SMARCAD1: variants seen among roughly 807,000 people sequenced by gnomAD.
The protein encoded by SMARCAD1 is SNF2 related chromatin remodeling ATPase with DExD box 1.
Under a neutral mutation model 127.1 loss-of-function variants are expected in SMARCAD1, and 25 were observed. That is an observed-to-expected ratio of 0.20 (90% CI 0.14 to 0.27). The LOEUF is 0.27. Ranked by LOEUF, SMARCAD1 falls within the 10% of genes least tolerant of loss-of-function variation. The probability of loss-of-function intolerance (pLI) is 1.00; values close to 1 mark genes in which losing one functional copy is unlikely to be tolerated. For missense variants in SMARCAD1, 807 were observed against 1,206.0 expected (o/e 0.67, Z 4.90); for synonymous variants, 400 against 396.9 (o/e 1.01, Z -0.09).
chr4:94,269,630 A>C (rs1752249683), intron 10 of SMARCAD1, among the ~76,000 whole-genome samples: 1 of 152,000 alleles, frequency 6.6e-6, no homozygotes. Context: ...ATAACTGTTA[A>C]TAGTTTTTAA....
intron 2 of SMARCAD1, among the ~76,000 whole-genome samples, chr4:94,215,979 A>G (rs944188554): frequency 9.2e-5 from 14 of 152,176 alleles, no homozygotes; most frequent in African/African-American, 3.4e-4. Context: ...GAACTGCTGT[A>G]ACTACCATGA....
intron 22 of SMARCAD1, among the ~76,000 whole-genome samples, chr4:94,284,086 C>T (rs997935389): frequency 6.6e-6 from 1 of 151,362 alleles, no homozygotes; most frequent in African/African-American, 2.4e-5. Flanking sequence ...CTTTGGGAGG[C>T]GAAGGCGGGT....
chr4:94,279,160 GAAAAACTTTT>G, intron 19 of SMARCAD1, 110 bp downstream of exon 19: 2 of 1,449,416 alleles, frequency 1.4e-6, no homozygotes, highest in South Asian at 2.5e-5. Context: ...ACATATTTAA[GAAAAACTTTT>G]TTTTTTCAGA....
At chr4:94,277,197 T>TTA in intron 16 of SMARCAD1, 38 bp downstream of exon 16, 1 of 1,610,728 alleles carries the variant, frequency 6.2e-7, no homozygotes, top group East Asian at 2.2e-5. Flanking sequence ...AATATGTTAT[T>TTA]TGTGTTTTAT....
chr4:94,277,563 A>C (rs905023305), intron 16 of SMARCAD1, among the ~76,000 whole-genome samples: 2 of 152,238 alleles, frequency 1.3e-5, no homozygotes, highest in Non-Finnish European at 2.9e-5. Flanking sequence ...CTATGCTGAG[A>C]AATATATTCT....
chr4:94,255,472 T>C (rs961323537), intron 9 of SMARCAD1, among the ~76,000 whole-genome samples: 6 of 152,010 alleles, frequency 3.9e-5, no homozygotes, highest in Non-Finnish European at 7.4e-5. Context: ...GAAAATTATA[T>C]TGTGCCTTTT....
intron 2 of SMARCAD1, among the ~76,000 whole-genome samples, chr4:94,215,378 T>A (rs923419414): frequency 6.6e-6 from 1 of 152,114 alleles, no homozygotes; most frequent in Non-Finnish European, 1.5e-5. Context: ...CGCAGCACTT[T>A]GGGAGGCCGA....
At chr4:94,239,850 G>A (rs1382581631) in intron 5 of SMARCAD1, among the ~76,000 whole-genome samples, 1 of 152,138 alleles carries the variant, frequency 6.6e-6, no homozygotes, top group Middle Eastern at 3.2e-3. Flanking sequence ...TGGGATTACA[G>A]GCATGAGCTG....
chr4:94,232,007 A>G (rs1034439765), intron 3 of SMARCAD1, among the ~76,000 whole-genome samples: 1 of 151,866 alleles, frequency 6.6e-6, no homozygotes, highest in South Asian at 2.1e-4. Context: ...GATTACAGGC[A>G]CCCGCCACCA....
At chr4:94,219,771 C>T (rs1345418604) in intron 2 of SMARCAD1, among the ~76,000 whole-genome samples, 2 of 152,086 alleles carry the variant, frequency 1.3e-5, no homozygotes, top group Non-Finnish European at 2.9e-5. Flanking sequence ...TTTGTGTATT[C>T]TCTCATTGCA....
intron 5 of SMARCAD1, among the ~76,000 whole-genome samples, chr4:94,239,148 C>A (rs1038506924): frequency 6.6e-6 from 1 of 152,144 alleles, no homozygotes; most frequent in Admixed American, 6.6e-5. Flanking sequence ...CAGACATCTT[C>A]ATTTTTAGTG....
At chr4:94,250,650 C>T in intron 7 of SMARCAD1, 102 bp from the exon 8 acceptor site, 1 of 698,120 alleles carries the variant, frequency 1.4e-6, no homozygotes, top group Non-Finnish European at 2.4e-6. Context: ...GATGTGAATT[C>T]TCTGTTTTCA....
At position 94,277,134 on chromosome 4, in the gene SMARCAD1, T is replaced by C. The variant is rs1421308896; in HGVS notation, c.2057T>C (p.Ile686Thr). Residue 686 changes from isoleucine (I) to threonine (T), a missense_variant, in exon 16 of 24, where the codon ATA (isoleucine) becomes ACA (threonine). This residue lies in a region of SMARCAD1 where 148 missense variants were observed against 313.2 expected (regional missense o/e 0.47). Transcript: ENST00000354268. ...ATGTTTAGTAGTAGCACCAGTGAAATACGAAGAATGTTTTCCTCTAAGACA... is the reference window on the plus strand; with the variant it reads ...ATGTTTAGTAGTAGCACCAGTGAAACACGAAGAATGTTTTCCTCTAAGACA... Reference protein sequence around the residue: ...PHMFSSSTSEIRRMFSSKTKS... With the variant: ...PHMFSSSTSETRRMFSSKTKS... 2 of 1,613,962 alleles carry C rather than the reference T, an allele frequency of 1.2e-6. No individual in the cohort carries two copies. The highest frequency in any genetic ancestry group is 1.7e-6 in the Non-Finnish European group (2 of 1,179,960).
chr4:94,273,540 G>A (rs1752844693), intron 11 of SMARCAD1, 77 bp from the exon 12 acceptor site: 3 of 1,083,774 alleles, frequency 2.8e-6, no homozygotes, highest in Non-Finnish European at 2.8e-6. Context: ...CAGAATTACT[G>A]CTTTTTCTTC....
intron 9 of SMARCAD1, among the ~76,000 whole-genome samples, chr4:94,258,233 C>T (rs910486377): frequency 6.6e-6 from 1 of 151,842 alleles, no homozygotes; most frequent in Non-Finnish European, 1.5e-5. Flanking sequence ...CAGCTCACTG[C>T]AATCTCTGCC....
chr4:94,248,376 T>G, intron 6 of SMARCAD1: 1 of 419,324 alleles, frequency 2.4e-6, no homozygotes, highest in East Asian at 7.2e-5. Context: ...TTTTCACTTA[T>G]GTAGTGAAAA....
At chr4:94,208,178 C>T (rs745648310) in intron 1 of SMARCAD1, 108 bp downstream of exon 1, 1 of 693,524 alleles carries the variant, frequency 1.4e-6, no homozygotes, top group East Asian at 2.7e-5. Flanking sequence ...AAAAGATACC[C>T]CCGTCCACCT....
At position 94,284,347 on chromosome 4, in the gene SMARCAD1, A is replaced by G. The variant is rs1355159742; in HGVS notation, c.2910-613A>G. ...GTCTCAAAAAAAAAAAAAAAAAAAA[A>G]AAAAAAGAAAAAAGTAATTTCCATC... On this transcript the variant is annotated intron_variant, in intron 22 of 23. Coordinates refer to ENST00000354268, the MANE Select transcript of SMARCAD1 (RefSeq NM_020159.5). 7.6e-4 allele frequency among the ~76,000 whole-genome samples: 76 copies of G among 99,890 alleles called. 2 individuals are homozygous for G. The highest frequency in any genetic ancestry group is 1.6e-3 in the African/African-American group (52 of 32,762). 65.5% of individuals were successfully genotyped at this position (99,890 alleles called of 152,430 possible).
intron 16 of SMARCAD1, among the ~76,000 whole-genome samples, chr4:94,277,587 A>G (rs577503202): frequency 6.6e-6 from 1 of 152,368 alleles, no homozygotes; most frequent in Admixed American, 6.5e-5. Context: ...ATAAAAGTTC[A>G]TAAAACCAAA....
Sources: allele counts gnomAD v4.1 joint callset (sites outside exome capture counted in the v4.1 genomes callset), GRCh38; gene constraint gnomAD v4.1.1; regional missense constraint gnomAD v4.1.1; transcripts MANE v1.5; gene names NCBI Gene and HGNC (gene_info 2026-07-23, HGNC 2026-07-21).